The following CUL9 variants were observed in gnomAD, a reference collection of about 807,000 sequenced individuals.
CUL9 encodes cullin-9.
A neutral mutation model predicts 272.6 loss-of-function variants in CUL9; 79 were observed. The ratio of observed to expected loss-of-function variants is 0.29; its 90% CI spans 0.24 to 0.35. The LOEUF (loss-of-function observed/expected upper bound fraction) is 0.35. CUL9 is among the 10% of genes least tolerant of loss of function. The pLI, the probability that CUL9 is intolerant of heterozygous loss-of-function variation, is 1.00. For synonymous variants in CUL9, 1,186 were observed against 1,286.5 expected (o/e 0.92, Z 1.67); for missense variants, 2,532 against 3,255.6 (o/e 0.78, Z 5.41).
rs1020931210 is a variant in CUL9 at position 43,213,620 on chromosome 6, T to C, written c.5488+53T>C. The C allele has an allele frequency of 6.5e-6, 10 of 1,539,566 alleles. No individual in the cohort carries two copies. Among genetic ancestry groups the C allele is most frequent in the East Asian group, 2.3e-5 (1 of 42,678 alleles). On this transcript the variant is annotated intron_variant, in intron 28 of 40. Coordinates refer to ENST00000252050, the MANE Select transcript of CUL9 (RefSeq NM_015089.4). The surrounding 1 kb of genome is among the most constrained non-coding windows in gnomAD (Gnocchi z 5.7). ...TCTGCTGCTGGTCGGGGGGTCGCCC[T>C]CAAGATGGGGGGACTGTGAGAATGG...
intron 8 of CUL9, 166 bp downstream of exon 8, chr6:43,188,881 T>C: frequency 1.7e-6 from 1 of 576,960 alleles, no homozygotes; most frequent in Non-Finnish European, 3.0e-6. Context: ...TGGCTCGTAT[T>C]CTTGGAGCAC....
At chr6:43,210,952 T>C (rs1025830243) in intron 26 of CUL9, among the ~76,000 whole-genome samples, 1 of 152,212 alleles carries the variant, frequency 6.6e-6, no homozygotes, top group Non-Finnish European at 1.5e-5. Flanking sequence ...TTTGTCTATA[T>C]CAGTTTTAGA....
rs1774767917 is a variant in CUL9, at chr6:43,203,270, C to T, written c.3849+66C>T. The T allele has an allele frequency of 2.5e-6, 4 of 1,600,654 alleles. No individual in the cohort carries two copies. In the South Asian group the frequency reaches 3.3e-5, roughly 13 times the overall value. On this transcript the variant is annotated intron_variant, in intron 18 of 40. Transcript: ENST00000252050. This position sits in a 1 kb window ranked among gnomAD's most constrained non-coding sequence, Gnocchi z 5.0. ...GGCACACAAGTTTCTCCTTGATCTG[C>T]TTGGGAGATGGCCCAGGACCTGTTG...
At chr6:43,196,409 TGGA>T (rs942900377) in intron 10 of CUL9, 144 bp downstream of exon 10, 82 of 885,184 alleles carry the variant, frequency 9.3e-5, no homozygotes, top group Non-Finnish European at 1.3e-4. Flanking sequence ...CAACTGTTGT[TGGA>T]GGAGAACCCA....
intron 16 of CUL9, among the ~76,000 whole-genome samples, chr6:43,201,276 C>T (rs1387505989): frequency 6.6e-6 from 1 of 152,152 alleles, no homozygotes; most frequent in Non-Finnish European, 1.5e-5. Flanking sequence ...GGACCTGAGA[C>T]TGACAGGCAT....
intron 16 of CUL9, among the ~76,000 whole-genome samples, chr6:43,201,068 G>A (rs1203748476): frequency 1.3e-5 from 2 of 152,238 alleles, no homozygotes; most frequent in African/African-American, 4.8e-5. Context: ...CCTGTGCTTA[G>A]TGTTGAGGGA....
At chr6:43,190,461 G>T (rs1773360270) in intron 8 of CUL9, among the ~76,000 whole-genome samples, 1 of 150,260 alleles carries the variant, frequency 6.7e-6, no homozygotes, top group Non-Finnish European at 1.5e-5. Context: ...CTATTTTTTG[G>T]TTATAGAATA....
chr6:43,185,763 A>T (rs1184187764), intron 3 of CUL9, among the ~76,000 whole-genome samples, 153 bp downstream of exon 3: 2 of 152,178 alleles, frequency 1.3e-5, no homozygotes, highest in African/African-American at 4.8e-5. Context: ...TCCATTCAGA[A>T]TTTCTGAGAT....
chr6:43,196,944 A>G, intron 11 of CUL9, 82 bp downstream of exon 11: 1 of 1,180,064 alleles, frequency 8.5e-7, no homozygotes, highest in South Asian at 1.4e-5. Flanking sequence ...CTGGAAAGAT[A>G]CAAGGAAACT....
In CUL9 at chr6:43,221,605, C is replaced by G; in HGVS notation, c.6753-80C>G. On this transcript the variant is annotated intron_variant, in intron 34 of 40. Coordinates refer to ENST00000252050, the MANE Select transcript of CUL9 (RefSeq NM_015089.4). The surrounding 1 kb of genome is among the most constrained non-coding windows in gnomAD (Gnocchi z 4.2). ...GGAGCAGAGGCCACAGCATCAACAG[C>G]GGTACATCTGGGCCCTTGGCATTCC... 1.5e-6 allele frequency: 2 copies of G among 1,293,648 alleles called. No individual in the cohort carries two copies. The highest frequency in any genetic ancestry group is 2.2e-6 in the Non-Finnish European group (2 of 908,788). 80.1% of individuals were successfully genotyped at this position (1,293,648 alleles called of 1,614,324 possible).
intron 31 of CUL9, 63 bp downstream of exon 31, chr6:43,216,566 G>A: frequency 7.0e-7 from 1 of 1,430,602 alleles, no homozygotes; most frequent in Non-Finnish European, 9.5e-7. Context: ...AAAATTCCTT[G>A]GGAATTCTTG....
At position 43,204,601 on chromosome 6, in the gene CUL9, C is replaced by G. The variant is rs1434836951; in HGVS notation, c.4339+62C>G. ...GGACAGTGGTGTATCTGGCTCCCTC[C>G]TCCCTGGGTCTTACTCTTGCTGCTT... is the stretch of plus-strand genomic sequence containing the variant. On this transcript the variant is annotated intron_variant, in intron 21 of 40. Transcript: ENST00000252050. 2.9e-5 allele frequency: 47 copies of G among 1,601,028 alleles called. No homozygotes were observed. In the East Asian group the frequency reaches 1.0e-3, roughly 34 times the overall value.
At chr6:43,182,512 A>G (rs1038734830) in intron 1 of CUL9, among the ~76,000 whole-genome samples, 2 of 144,102 alleles carry the variant, frequency 1.4e-5, no homozygotes, top group Non-Finnish European at 3.0e-5. Context: ...GGTCTCATCC[A>G]TGCGTCCAGA....
rs899593572 is a variant in CUL9, at chr6:43,184,190, C to T, written c.-9-112C>T. On this transcript the variant is annotated intron_variant, in intron 1 of 40. Transcript: ENST00000252050. The surrounding 1 kb of genome is among the most constrained non-coding windows in gnomAD (Gnocchi z 4.8). ...TTTCTGTTTGGCCTCCTAAATTCTA[C>T]CATGCAGCCTACCGATCACCACCCA... is the stretch of plus-strand genomic sequence containing the variant. The T allele has an allele frequency of 8.3e-6, 6 of 725,912 alleles. No homozygotes were observed. The highest frequency in any genetic ancestry group is 1.2e-5 in the Non-Finnish European group (6 of 486,590). The allele number at this position is 725,912 out of a possible 1,614,324, so 45.0% of individuals were successfully genotyped here. A position where few individuals can be genotyped will look rare whatever the true frequency, so the allele number is the denominator to read the frequency against.
Position 43,184,201 on chromosome 6 carries a change from A to G in CUL9, c.-9-101A>G, listed in dbSNP as rs568021688. On this transcript the variant is annotated intron_variant, in intron 1 of 40. Coordinates refer to ENST00000252050, the MANE Select transcript of CUL9 (RefSeq NM_015089.4). The surrounding 1 kb of genome is among the most constrained non-coding windows in gnomAD (Gnocchi z 4.8). ...CCTCCTAAATTCTACCATGCAGCCT[A>G]CCGATCACCACCCACCTTCTCTGTG... 5.8e-6 allele frequency: 5 copies of G among 860,286 alleles called. No homozygotes were observed. The highest frequency in any genetic ancestry group is 2.9e-5 in the South Asian group (1 of 35,010). 53.3% of individuals were successfully genotyped at this position (860,286 alleles called of 1,614,324 possible).
intron 31 of CUL9, among the ~76,000 whole-genome samples, chr6:43,217,588 C>T (rs1057214730): frequency 6.6e-6 from 1 of 152,220 alleles, no homozygotes; most frequent in Non-Finnish European, 1.5e-5. Flanking sequence ...CTTCTGCCAA[C>T]AGCGTTTCCC....
chr6:43,222,494 C>T (rs1180038756), intron 36 of CUL9, 37 bp from the exon 37 acceptor site: 2 of 1,610,832 alleles, frequency 1.2e-6, no homozygotes, highest in Non-Finnish European at 1.7e-6. Context: ...GGTGCTGCGC[C>T]ACCTGTGCTG....
At chr6:43,182,399 C>G (rs924152673) in intron 1 of CUL9, 150 bp downstream of exon 1, 3 of 152,334 alleles carry the variant, frequency 2.0e-5, no homozygotes, top group African/African-American at 7.3e-5. Context: ...GACCGCGCCC[C>G]CAACCATCCT....
rs79419808 is a variant in CUL9, at chr6:43,188,697, G to A, written c.2162G>A (p.Arg721His). Residue 721 changes from arginine (R) to histidine (H), a missense_variant, in exon 8 of 41, where the codon CGT becomes CAT. Transcript: ENST00000252050. ...EVTERDHPLV[R>H]PDRSLREKLV... ...ACTGAGCGGGACCACCCTCTGGTCC[G>A]TCCTGACAGATCGCTGAGGTTAGCA... The A allele has an allele frequency of 3.1e-5, 50 of 1,610,850 alleles. No individual in the cohort carries two copies. The East Asian group carries it at 5.4e-4, about 17-fold the overall frequency.
Sources: gnomAD v4.1 joint callset for allele counts (sites outside exome capture counted in the v4.1 genomes callset) on GRCh38, gnomAD v4.1.1 for gene constraint, Gnocchi (gnomAD v3.1) non-coding constraint, MANE v1.5 for transcripts, NCBI Gene and HGNC (gene_info 2026-07-23, HGNC 2026-07-21) for gene names.